The following GABRD variants were observed in gnomAD, a reference collection of about 807,000 sequenced individuals.
GABRD encodes the protein gamma-aminobutyric acid receptor subunit delta.
Under a neutral mutation model 47.3 loss-of-function variants are expected in GABRD, and 25 were observed. The observed-to-expected ratio is 0.53, with a 90% CI of 0.39 to 0.74. The LOEUF is 0.74. Ranked by LOEUF, GABRD falls within the 30% of genes least tolerant of loss-of-function variation. The pLI, the probability that GABRD is intolerant of heterozygous loss-of-function variation, is 0.00. For synonymous variants in GABRD, 314 were observed against 278.8 expected (o/e 1.13, Z -1.26); for missense variants, 497 against 643.4 (o/e 0.77, Z 2.46).
intron 1 of GABRD, 138 bp downstream of exon 1, chr1:2,019,629 C>T (rs1397993483): frequency 3.5e-5 from 14 of 395,280 alleles, no homozygotes; most frequent in South Asian, 2.2e-4. Flanking sequence ...GTCCTCCCTC[C>T]CCGGGGTCTT....
Position 2,028,985 on chromosome 1 carries a change from C to A in GABRD, c.692-126C>A. 8.3e-7 allele frequency: 1 copy of A among 1,204,218 alleles called. No homozygotes were observed. The highest frequency in any genetic ancestry group is 1.1e-6 in the Non-Finnish European group (1 of 872,508). The allele number at this position is 1,204,218 out of a possible 1,614,324, so 74.6% of individuals were successfully genotyped here. ...CAGGCCATGTGGTTGGTGGGGAGGGCAGGGGTCTAAGTCTCTCTTCTGAGC... is the reference window on the plus strand; with the variant it reads ...CAGGCCATGTGGTTGGTGGGGAGGGAAGGGGTCTAAGTCTCTCTTCTGAGC... On this transcript the variant is annotated intron_variant, in intron 6 of 8. Coordinates refer to ENST00000378585, the MANE Select transcript of GABRD (RefSeq NM_000815.5). This position sits in a 1 kb window ranked among gnomAD's most constrained non-coding sequence, Gnocchi z 6.4.
chr1:2,027,890 G>A (rs1241131259), intron 5 of GABRD: 36 of 620,376 alleles, frequency 5.8e-5, no homozygotes, highest in Non-Finnish European at 7.7e-5. Flanking sequence ...CCCAGACATG[G>A]CACGGATTGA....
rs780285955 is a variant in GABRD at position 2,030,203 on chromosome 1, T to C, written c.1280T>C (p.Ile427Thr). Residue 427 changes from isoleucine to threonine, a missense_variant, in exon 9 of 9, where the codon ATT becomes ACT. Ile to Thr is a moderately conservative substitution (Grantham distance 89, BLOSUM62 -1). This residue lies in a region of GABRD where 121 missense variants were observed against 121.3 expected (regional missense o/e 1.00). Coordinates refer to ENST00000378585, the MANE Select transcript of GABRD (RefSeq NM_000815.5). ...CTCAGGCCCATCGACGCAGACACCATTGACATTTACGCCCGCGCTGTGTTC... is the reference window on the plus strand; with the variant it reads ...CTCAGGCCCATCGACGCAGACACCACTGACATTTACGCCCGCGCTGTGTTC... ...ARLRPIDADT[I>T]DIYARAVFPA... 8 of 1,561,630 alleles carry C rather than the reference T, an allele frequency of 5.1e-6. No homozygotes were observed. The highest frequency in any genetic ancestry group is 6.1e-6 in the Non-Finnish European group (7 of 1,152,542).
rs751411266 is a variant in GABRD at position 2,025,555 on chromosome 1, G to T, written c.287G>T (p.Arg96Leu). The change falls in exon 4 of 9, where the codon CGG becomes CTG. Residue 96 changes from arginine to leucine, a missense_variant. By Grantham distance (102) the Arg-to-Leu change is moderately radical. This residue lies in a region of GABRD where 285 missense variants were observed against 436.6 expected (regional missense o/e 0.65). Transcript: ENST00000378585. ...TMTVFLHQSW[R>L]DSRLSYNHTN... The stretch of plus-strand genomic sequence containing the variant: ...ACGGTGTTCCTGCACCAGAGCTGGC[G>T]GGACAGCAGGCTCTCCTACAACCAC... The T allele has an allele frequency of 6.2e-7, 1 of 1,613,096 alleles. No individual in the cohort carries two copies. The highest frequency in any genetic ancestry group is 1.1e-5 in the South Asian group (1 of 91,086).
At chr1:2,027,428 A>G in intron 4 of GABRD, 149 bp from the exon 5 acceptor site, 1 of 707,214 alleles carries the variant, frequency 1.4e-6, no homozygotes, top group South Asian at 1.5e-5. Flanking sequence ...AGCAGTTTCC[A>G]GGTTTACCTG....
rs1481886622 is a variant in GABRD at position 2,028,654 on chromosome 1, A to AGGG, written c.691+364_691+365insGGG. ...TCTTAGCCCCAGGTCTGCAGGGCTC[A>AGGG]GGAGCCAAGCTTTCCTTGGCTACCT... On this transcript the variant is annotated intron_variant, in intron 6 of 8. Coordinates refer to ENST00000378585, the MANE Select transcript of GABRD (RefSeq NM_000815.5). The surrounding 1 kb of genome is among the most constrained non-coding windows in gnomAD (Gnocchi z 6.4). Among the ~76,000 whole-genome samples the AGGG allele has an allele frequency of 6.6e-6, 1 of 152,216 alleles. No homozygotes were observed. Among genetic ancestry groups the AGGG allele is most frequent in the Non-Finnish European group, 1.5e-5 (1 of 68,034 alleles).
chr1:2,026,861 A>T (rs2102149481), intron 4 of GABRD: 1 of 152,568 alleles, frequency 6.6e-6, no homozygotes, highest in Admixed American at 6.5e-5. Flanking sequence ...AAAAAAAAGA[A>T]ATCAGGAGGC....
chr1:2,023,769 C>G lies in GABRD; in HGVS notation c.69-1173C>G, dbSNP rs370371785. On this transcript the variant is annotated intron_variant, in intron 1 of 8. Coordinates refer to ENST00000378585, the MANE Select transcript of GABRD (RefSeq NM_000815.5). Reference sequence around the variant, plus strand: ...GGGGGTTAATCTCAAGGCCCCACCCCTGGGACCAATCCCCATCCTGTGTGC... The same window carrying G: ...GGGGGTTAATCTCAAGGCCCCACCCGTGGGACCAATCCCCATCCTGTGTGC... The G allele has an allele frequency of 3.9e-5, 6 of 152,384 alleles. No homozygotes were observed. The South Asian group carries it at 1.0e-3, about 26-fold the overall frequency. 9.4% of individuals were successfully genotyped at this position (152,384 alleles called of 1,614,324 possible).
At position 2,025,795 on chromosome 1, in the gene GABRD, C is replaced by T. The variant is rs978989704; in HGVS notation, c.470+57C>T. On this transcript the variant is annotated intron_variant, in intron 4 of 8. Coordinates refer to ENST00000378585, the MANE Select transcript of GABRD (RefSeq NM_000815.5). Reference sequence around the variant, plus strand: ...AGAGCCTGCCCGGGCCAAGCGTCGGCGCCTGGACGCTCCAAGGCTTGGAAA... The same window carrying T: ...AGAGCCTGCCCGGGCCAAGCGTCGGTGCCTGGACGCTCCAAGGCTTGGAAA... 54 of 1,496,298 alleles carry T rather than the reference C, an allele frequency of 3.6e-5. 1 individual carries two copies. In the Middle Eastern group the frequency reaches 7.1e-4, roughly 20 times the overall value. The allele number at this position is 1,496,298 out of a possible 1,614,324, so 92.7% of individuals were successfully genotyped here.
rs1448539958 is a variant in GABRD, at chr1:2,019,410, A to G, written c.-14A>G. ...CCAAGTTTGCGCGGACCCCGTCCCG[A>G]GCCCGCCGCGGCCATGGACGCGCCC... is the stretch of plus-strand genomic sequence containing the variant. On this transcript the variant is annotated 5_prime_UTR_variant, in exon 1 of 9. Transcript: ENST00000378585. 4 of 1,050,780 alleles carry G rather than the reference A, an allele frequency of 3.8e-6. No homozygotes were observed. The highest frequency in any genetic ancestry group is 3.4e-6 in the Non-Finnish European group (3 of 875,764). 65.1% of individuals were successfully genotyped at this position (1,050,780 alleles called of 1,614,324 possible). A position where few individuals can be genotyped will look rare whatever the true frequency, so the allele number is the denominator to read the frequency against.
At chr1:2,022,083 C>G (rs1658794667) in intron 1 of GABRD, among the ~76,000 whole-genome samples, 1 of 152,158 alleles carries the variant, frequency 6.6e-6, no homozygotes, top group Admixed American at 6.5e-5. Context: ...CCCTGAGCCT[C>G]TCTGTCCATC....
In GABRD at chr1:2,030,007, C is replaced by T. The variant is rs1173956045; in HGVS notation, c.1084C>T (p.Leu362Phe). 5 of 1,612,746 alleles carry T rather than the reference C, an allele frequency of 3.1e-6. No individual in the cohort carries two copies. Among genetic ancestry groups the T allele is most frequent in the Admixed American group, 1.7e-5 (1 of 60,006 alleles). The change falls in exon 9 of 9, where the codon CTC becomes TTC. Residue 362 changes from leucine to phenylalanine, a missense_variant. Transcript: ENST00000378585. ...GATGGACGTGAGGAACGCCATTGTC[C>T]TCTTCTCCCTCTCTGCTGCCGGCGT... The part of the protein sequence containing the change: ...AEMDVRNAIV[L>F]FSLSAAGVTQ...
In GABRD at chr1:2,030,564, C is replaced by A; in HGVS notation, c.*282C>A. 2.8e-6 allele frequency: 1 copy of A among 354,328 alleles called. No homozygotes were observed. The highest frequency in any genetic ancestry group is 5.1e-6 in the Non-Finnish European group (1 of 197,328). 21.9% of individuals were successfully genotyped at this position (354,328 alleles called of 1,614,324 possible). ...GCTGAGCCAGGCCGGGGTCTGGGCC[C>A]TTCAGGGAGCCGCGGATTTTTATGT... On this transcript the variant is annotated 3_prime_UTR_variant, in exon 9 of 9. Coordinates refer to ENST00000378585, the MANE Select transcript of GABRD (RefSeq NM_000815.5).
Position 2,025,382 on chromosome 1 carries a change from A to G in GABRD, c.230A>G (p.His77Arg). The change falls in exon 3 of 9, where the codon CAC (histidine) becomes CGC (arginine). Residue 77 changes from histidine to arginine, a missense_variant. Physicochemically the swap from His to Arg is conservative, Grantham distance 29 (BLOSUM62 0). Transcript: ENST00000378585. Reference sequence around the variant, plus strand: ...GCCCTGGAGGTGGCCAGCATCGACCACATCTCAGAGGCCAACATGGTAGGT... The same window carrying G: ...GCCCTGGAGGTGGCCAGCATCGACCGCATCTCAGAGGCCAACATGGTAGGT... ...ALALEVASID[H>R]ISEANMEYTM... 1 of 1,612,954 alleles carries G rather than the reference A, an allele frequency of 6.2e-7. No individual in the cohort carries two copies. The highest frequency in any genetic ancestry group is 8.5e-7 in the Non-Finnish European group (1 of 1,179,960).
At chr1:2,023,131 G>C (rs1658825047) in intron 1 of GABRD, among the ~76,000 whole-genome samples, 2 of 152,132 alleles carry the variant, frequency 1.3e-5, no homozygotes, top group Non-Finnish European at 2.9e-5. Context: ...ATCCTTCCCA[G>C]TGTTTCTCTG....
intron 8 of GABRD, 93 bp downstream of exon 8, chr1:2,029,855 C>A: frequency 6.6e-7 from 1 of 1,508,618 alleles, no homozygotes; most frequent in Non-Finnish European, 9.2e-7. Flanking sequence ...CCCAGCTGTG[C>A]TCCCTGAGCG....
At chr1:2,029,926 G>C in intron 8 of GABRD, 57 bp from the exon 9 acceptor site, 2 of 1,596,758 alleles carry the variant, frequency 1.3e-6, no homozygotes, top group Non-Finnish European at 1.7e-6. Flanking sequence ...GTGGTCCAGG[G>C]CCCTGGGAGC....
Position 2,030,453 on chromosome 1 carries a change from A to G in GABRD, c.*171A>G. 1 of 548,626 alleles carries G rather than the reference A, an allele frequency of 1.8e-6. No homozygotes were observed. Among genetic ancestry groups the G allele is most frequent in the Non-Finnish European group, 3.0e-6 (1 of 338,468 alleles). The allele number at this position is 548,626 out of a possible 1,614,324, so 34.0% of individuals were successfully genotyped here. On this transcript the variant is annotated 3_prime_UTR_variant, in exon 9 of 9. Transcript: ENST00000378585. ...CTCGGCCTCCCTGAGCTCTGACCCCAGCCTCACCCGAAAGGCCAGCCTGGG... is the reference window on the plus strand; with the variant it reads ...CTCGGCCTCCCTGAGCTCTGACCCCGGCCTCACCCGAAAGGCCAGCCTGGG...
In GABRD at chr1:2,028,323, T is replaced by TTCCGCGCCC. The variant is rs1557447486; in HGVS notation, c.691+31_691+32insTCCGCGCCC. ...ATATGCCCGCCGCCCCTTCCGCATG[T>TTCCGCGCCC]GCCCGCCGCCCCTTCCGCGCGCGCC... On this transcript the variant is annotated intron_variant, in intron 6 of 8. Transcript: ENST00000378585. This position sits in a 1 kb window ranked among gnomAD's most constrained non-coding sequence, Gnocchi z 6.4. 1 of 1,587,444 alleles carries TTCCGCGCCC rather than the reference T, an allele frequency of 6.3e-7. No homozygotes were observed. The highest frequency in any genetic ancestry group is 1.4e-5 in the African/African-American group (1 of 72,266).
Sources: gnomAD v4.1 joint callset for allele counts (sites outside exome capture counted in the v4.1 genomes callset) on GRCh38, gnomAD v4.1.1 for gene constraint, gnomAD v4.1.1 regional missense constraint, Gnocchi (gnomAD v3.1) non-coding constraint, MANE v1.5 for transcripts, NCBI Gene and HGNC (gene_info 2026-07-23, HGNC 2026-07-21) for gene names.